The following FAM131B variants were observed in gnomAD, a reference collection of about 807,000 sequenced individuals.
The protein encoded by FAM131B is family with sequence similarity 131 member B.
In FAM131B, 19 loss-of-function variants were observed where a neutral mutation model predicts 42.0. The observed-to-expected ratio is 0.45, with a 90% CI of 0.32 to 0.66. The LOEUF is 0.66. Ranked by LOEUF, FAM131B falls within the 30% of genes least tolerant of loss-of-function variation. FAM131B has a pLI of 0.05. For synonymous variants in FAM131B, 183 were observed against 177.6 expected (o/e 1.03, Z -0.24); for missense variants, 370 against 468.4 (o/e 0.79, Z 1.94).
At chr7:143,380,387 G>C in the FAM131B span, 2 of 985,086 alleles carry the variant, frequency 2.0e-6, no homozygotes, top group South Asian at 4.7e-5. The surrounding 1 kb of genome is among the most constrained non-coding windows in gnomAD (Gnocchi z 5.0). Context: ...CGTCGCCCGG[G>C]GTCTCCACCA....
chr7:143,377,117 C>T, the FAM131B span, among the ~76,000 whole-genome samples: 26 of 152,198 alleles, frequency 1.7e-4, no homozygotes, highest in East Asian at 1.2e-3. Flanking sequence ...ACCACCAACC[C>T]GGCTTATGTT....
the FAM131B span, among the ~76,000 whole-genome samples, chr7:143,374,866 C>T: frequency 6.6e-6 from 1 of 152,234 alleles, no homozygotes; most frequent in African/African-American, 2.4e-5. Flanking sequence ...CTGAGCTCCC[C>T]AACCAGGTCA....
the FAM131B span, among the ~76,000 whole-genome samples, chr7:143,369,535 C>T: frequency 7.9e-5 from 12 of 152,038 alleles, no homozygotes; most frequent in Admixed American, 7.2e-4. Context: ...ATTACCCGGA[C>T]ATGGTGGTGG....
Position 143,354,905 on chromosome 7 carries a change from AAAT to A in FAM131B, c.*1642_*1644del, listed in dbSNP as rs1448005599. The A allele has an allele frequency of 6.6e-6, 1 of 152,320 alleles. No individual in the cohort carries two copies. Among genetic ancestry groups the A allele is most frequent in the Non-Finnish European group, 1.5e-5 (1 of 68,186 alleles). The allele number at this position is 152,320 out of a possible 1,614,324, so 9.4% of individuals were successfully genotyped here. A position where few individuals can be genotyped will look rare whatever the true frequency, so the allele number is the denominator to read the frequency against. Reference sequence around the variant, plus strand: ...CCCAACTCTCAACCTTCTCACTCCAAAATAATAAGTTCTGGGGCCTGGGGGTGA... The same window carrying A: ...CCCAACTCTCAACCTTCTCACTCCAAAATAAGTTCTGGGGCCTGGGGGTGA... On this transcript the variant is annotated 3_prime_UTR_variant, in exon 7 of 7. Coordinates refer to ENST00000443739, the MANE Select transcript of FAM131B (RefSeq NM_001031690.3).
the FAM131B span, among the ~76,000 whole-genome samples, chr7:143,371,437 C>T: frequency 1.3e-5 from 2 of 151,468 alleles, no homozygotes; most frequent in Non-Finnish European, 2.9e-5. Context: ...CATATGGAGA[C>T]CTTGTCTTTA....
rs1299772786 is a variant in FAM131B, at chr7:143,354,643, C to G, written c.*1907G>C. 6.6e-6 allele frequency: 1 copy of G among 152,356 alleles called. No individual in the cohort carries two copies. Among genetic ancestry groups the G allele is most frequent in the South Asian group, 2.1e-4 (1 of 4,830 alleles). 9.4% of individuals were successfully genotyped at this position (152,356 alleles called of 1,614,324 possible). ...GAGGTCCTGGGACATGGAGTCAGCA[C>G]ACGTTAGCAAGCACAAGAGGACTCT... On this transcript the variant is annotated 3_prime_UTR_variant, in exon 7 of 7. Transcript: ENST00000443739.
chr7:143,361,923 C>T (rs1383444216), intron 1 of FAM131B: 1 of 422,596 alleles, frequency 2.4e-6, no homozygotes. Flanking sequence ...CTCCCCGCGT[C>T]CCCCAGCCCC....
chr7:143,380,690 G>T, the FAM131B span: 1 of 985,324 alleles, frequency 1.0e-6, no homozygotes, highest in Non-Finnish European at 1.2e-6. This position sits in a 1 kb window ranked among gnomAD's most constrained non-coding sequence, Gnocchi z 5.0. Flanking sequence ...GTATCCCCAA[G>T]AATGCTGGAG....
At chr7:143,367,317 C>G (rs1378211267), upstream of FAM131B, among the ~76,000 whole-genome samples, 1 of 152,170 alleles carries the variant, frequency 6.6e-6, no homozygotes, top group Admixed American at 6.5e-5. Context: ...TGAAAGAGAC[C>G]AGCACAGGAC....
the FAM131B span, among the ~76,000 whole-genome samples, chr7:143,372,778 G>A: frequency 6.6e-6 from 1 of 152,106 alleles, no homozygotes; most frequent in Non-Finnish European, 1.5e-5. Flanking sequence ...CGCCGACATG[G>A]TGAAACCTCG....
the FAM131B span, chr7:143,382,220 G>A: frequency 6.2e-7 from 1 of 1,601,862 alleles, no homozygotes. Context: ...AGGGACCCCG[G>A]CCGACGTCTT....
In FAM131B at chr7:143,357,265, T is replaced by G; in HGVS notation, c.610+15A>C. On this transcript the variant is annotated intron_variant, in intron 6 of 6. Coordinates refer to ENST00000443739, the MANE Select transcript of FAM131B (RefSeq NM_001031690.3). ...CTCATAGGCTCCAGAGTTTGGATTC[T>G]GGAACATCTCTCACCCTGACTGTCC... The G allele has an allele frequency of 6.2e-7, 1 of 1,613,312 alleles. No homozygotes were observed. The highest frequency in any genetic ancestry group is 2.2e-5 in the East Asian group (1 of 44,892).
the FAM131B span, among the ~76,000 whole-genome samples, chr7:143,374,210 C>G: frequency 6.6e-6 from 1 of 152,114 alleles, no homozygotes; most frequent in African/African-American, 2.4e-5. Context: ...CACTGTGCGC[C>G]TACTCATTCT....
At chr7:143,369,541 G>C in the FAM131B span, among the ~76,000 whole-genome samples, 1 of 152,104 alleles carries the variant, frequency 6.6e-6, no homozygotes. Flanking sequence ...CGGACATGGT[G>C]GTGGGCACCT....
Position 143,362,583 on chromosome 7 carries a change from C to A in FAM131B, c.21G>T (p.Arg7=). The change falls in exon 1 of 7, where the codon CGG becomes CGT. Residue 7 remains arginine, a synonymous_variant. Coordinates refer to ENST00000443739, the MANE Select transcript of FAM131B (RefSeq NM_001031690.3). The surrounding 1 kb of genome is among the most constrained non-coding windows in gnomAD (Gnocchi z 7.7). Reference sequence around the variant, plus strand: ...CCCGGCCGCGGTACCCACCCACAGTCCGGGAGCCGATGCAGCCCATGGCTC... The same window carrying A: ...CCCGGCCGCGGTACCCACCCACAGTACGGGAGCCGATGCAGCCCATGGCTC... MGCIGS[R]TVGNEVIAVD... is the part of the protein sequence containing the mutation. 8.2e-7 allele frequency: 1 copy of A among 1,222,716 alleles called. No individual in the cohort carries two copies. Among genetic ancestry groups the A allele is most frequent in the South Asian group, 4.1e-5 (1 of 24,256 alleles). The allele number at this position is 1,222,716 out of a possible 1,614,324, so 75.7% of individuals were successfully genotyped here.
the FAM131B span, among the ~76,000 whole-genome samples, chr7:143,377,871 G>A: frequency 3.3e-5 from 5 of 151,972 alleles, no homozygotes; most frequent in Middle Eastern, 3.2e-3. Context: ...GTGCCACCAC[G>A]CCCAGCTAAT....
At chr7:143,374,336 T>C in the FAM131B span, among the ~76,000 whole-genome samples, 2 of 152,132 alleles carry the variant, frequency 1.3e-5, no homozygotes, top group African/African-American at 4.8e-5. Flanking sequence ...TGATGTCTCT[T>C]TCTCCCTTTG....
chr7:143,367,706 A>AAAAGAAAG (rs111907719), upstream of FAM131B, among the ~76,000 whole-genome samples: 184 of 150,808 alleles, frequency 1.2e-3, no homozygotes, highest in Middle Eastern at 6.8e-3. Context: ...CTCCATCTCA[A>AAAAGAAAG]AAAGAAAGAA....
rs774485532 is a variant in FAM131B, at chr7:143,358,982, G to T, written c.311C>A (p.Ala104Asp). 3.1e-6 allele frequency: 5 copies of T among 1,613,982 alleles called. No individual in the cohort carries two copies. The highest frequency in any genetic ancestry group is 2.5e-6 in the Non-Finnish European group (3 of 1,180,018). Reference protein sequence around the residue: ...SMKDHVTKPTAMGQGRVAHMI... With the variant: ...SMKDHVTKPTDMGQGRVAHMI... ...GTGGGCCACCCGGCCTTGCCCCATG[G>T]CTGTGGGCTTTGTCACATGGTCCTT... The change falls in exon 5 of 7, where the codon GCC becomes GAC. Residue 104 changes from alanine to aspartate, a missense_variant. Coordinates refer to ENST00000443739, the MANE Select transcript of FAM131B (RefSeq NM_001031690.3). This position sits in a 1 kb window ranked among gnomAD's most constrained non-coding sequence, Gnocchi z 4.7.
Sources: allele counts gnomAD v4.1 joint callset (sites outside exome capture counted in the v4.1 genomes callset), GRCh38; gene constraint gnomAD v4.1.1; non-coding constraint Gnocchi (gnomAD v3.1); transcripts MANE v1.5; gene names NCBI Gene and HGNC (gene_info 2026-07-23, HGNC 2026-07-21).